Variants in ZNF483 observed in about 807,000 individuals in gnomAD.
The protein encoded by ZNF483 is zinc finger protein 483, also known as zinc finger protein HIT-10.
In ZNF483, 9 loss-of-function variants were observed where a neutral mutation model predicts 28.6. The ratio of observed to expected loss-of-function variants is 0.32; its 90% confidence interval spans 0.19 to 0.55. The LOEUF is 0.55. Among genes scored for constraint, ZNF483 ranks in the 20% least tolerant of loss-of-function variants. The pLI is 0.93. For missense variants in ZNF483, 675 were observed against 871.7 expected, an observed-to-expected ratio of 0.77 and a Z score of 2.84; for synonymous variants, 322 against 306.2, an observed-to-expected ratio of 1.05 and a Z score of -0.54.
rs1828032058 is a variant in ZNF483, at chr9:111,553,472, A to ATAGG, written c.*10305_*10308dup. ...TATCACTGTAACTTGTGCTGTTTGC[A>ATAGG]TAGGTATACTCTATCTTGTGCTATC... On this transcript the variant is annotated 3_prime_UTR_variant, in exon 6 of 6. Coordinates refer to ENST00000309235, the MANE Select transcript of ZNF483 (RefSeq NM_133464.5). Among the ~76,000 whole-genome samples the ATAGG allele has an allele frequency of 6.6e-6, 1 of 152,192 alleles. No homozygotes were observed. Among genetic ancestry groups the ATAGG allele is most frequent in the Non-Finnish European group, 1.5e-5 (1 of 68,028 alleles).
rs150341438 is a variant in ZNF483, at chr9:111,550,316, T to G, written c.*7146T>G. 1.8e-3 allele frequency among the ~76,000 whole-genome samples: 271 copies of G among 152,350 alleles called. No homozygotes were observed. Among genetic ancestry groups the G allele is most frequent in the African/African-American group, 6.3e-3 (261 of 41,574 alleles). Reference sequence around the variant, plus strand: ...GGGGGTTGGGAGAATGGTAGCTTGCTTCTTTGTCTGCTCTTTCTCTGTGAT... The same window carrying G: ...GGGGGTTGGGAGAATGGTAGCTTGCGTCTTTGTCTGCTCTTTCTCTGTGAT... On this transcript the variant is annotated 3_prime_UTR_variant, in exon 6 of 6. Coordinates refer to ENST00000309235, the MANE Select transcript of ZNF483 (RefSeq NM_133464.5).
Position 111,527,384 on chromosome 9 carries a change from C to T in ZNF483, c.-12C>T. 6.2e-7 allele frequency: 1 copy of T among 1,610,282 alleles called. No homozygotes were observed. The highest frequency in any genetic ancestry group is 8.5e-7 in the Non-Finnish European group (1 of 1,178,404). ...GAGTGTGAAGGGACTGGATTCCTGCCCCTGAGACACAATGCAAGCTGTAGT... is the reference window on the plus strand; with the variant it reads ...GAGTGTGAAGGGACTGGATTCCTGCTCCTGAGACACAATGCAAGCTGTAGT... On this transcript the variant is annotated 5_prime_UTR_variant, in exon 2 of 6. Transcript: ENST00000309235.
At chr9:111,569,078 C>G (rs1232703876) in intron 5 of ZNF483, among the ~76,000 whole-genome samples, 3 of 152,100 alleles carry the variant, frequency 2.0e-5, no homozygotes, top group African/African-American at 7.2e-5. Flanking sequence ...CAGGAAAGAT[C>G]AAAATATATT....
At chr9:111,539,121 A>C (rs1306624584) in intron 5 of ZNF483, among the ~76,000 whole-genome samples, 1 of 149,968 alleles carries the variant, frequency 6.7e-6, no homozygotes, top group African/African-American at 2.5e-5. Context: ...TCAAAAAAAA[A>C]AAAAAAAAAA....
At chr9:111,539,395 C>G (rs1827610384) in intron 5 of ZNF483, 3 of 455,598 alleles carry the variant, frequency 6.6e-6, no homozygotes, top group South Asian at 4.7e-5. Context: ...AGCAGTATAA[C>G]CTTTCTACCC....
intron 5 of ZNF483, among the ~76,000 whole-genome samples, chr9:111,566,931 A>T (rs1345833650): frequency 6.6e-6 from 1 of 152,114 alleles, no homozygotes; most frequent in Non-Finnish European, 1.5e-5. Flanking sequence ...TACGAAAAAC[A>T]CAAAAAAACT....
In ZNF483 at chr9:111,543,760, CTTTTCT is replaced by C; in HGVS notation, c.*595_*600del. ...TACCACTATTCAGGATGCTGGACTT[CTTTTCT>C]TTTTTTTTTCTTTTTTTTTTTTCAA... is the stretch of plus-strand genomic sequence containing the variant. On this transcript the variant is annotated 3_prime_UTR_variant, in exon 6 of 6. Coordinates refer to ENST00000309235, the MANE Select transcript of ZNF483 (RefSeq NM_133464.5). 5.7e-6 allele frequency: 5 copies of C among 882,740 alleles called. No individual in the cohort carries two copies. The highest frequency in any genetic ancestry group is 6.7e-6 in the Non-Finnish European group (5 of 747,666). The allele number at this position is 882,740 out of a possible 1,614,324, so 54.7% of individuals were successfully genotyped here.
rs1215518176 is a variant in ZNF483, at chr9:111,542,211, TTAAA to T, written c.1281_1284del (p.Asn427LysfsTer79). 6.2e-7 allele frequency: 1 copy of T among 1,614,070 alleles called. No individual in the cohort carries two copies. Among genetic ancestry groups the T allele is most frequent in the Non-Finnish European group, 8.5e-7 (1 of 1,180,026 alleles). On this transcript the variant is annotated frameshift_variant, in exon 6 of 6. Transcript: ENST00000309235. LOFTEE classifies it low-confidence loss of function (END_TRUNC). The surrounding 1 kb of genome is among the most constrained non-coding windows in gnomAD (Gnocchi z 6.2). Reference sequence around the variant, plus strand: ...GAAAGATTCATGTCAAGAAGCAGCCTTAAATAAAGATGAGGGAAATGAGAGTGGA... The same window carrying T: ...GAAAGATTCATGTCAAGAAGCAGCCTTAAAGATGAGGGAAATGAGAGTGGA...
chr9:111,574,806 T>G, intron 5 of ZNF483: 1 of 1,613,900 alleles, frequency 6.2e-7, no homozygotes, highest in Non-Finnish European at 8.5e-7. Context: ...AATTTCTTCA[T>G]CTGGCCGATA....
rs1389538815 is a variant in ZNF483, at chr9:111,547,407, G to A, written c.*4237G>A. On this transcript the variant is annotated 3_prime_UTR_variant, in exon 6 of 6. Transcript: ENST00000309235. The stretch of plus-strand genomic sequence containing the variant: ...TCCCTAGTGATTAGTGATGTTAACT[G>A]TCTTTTTATGTGCTTATTGACCATT... Among the ~76,000 whole-genome samples, 1 of 152,072 alleles carries A rather than the reference G, an allele frequency of 6.6e-6. No homozygotes were observed. The highest frequency in any genetic ancestry group is 1.5e-5 in the Non-Finnish European group (1 of 67,980).
chr9:111,564,267 A>G (rs7036102), intron 5 of ZNF483: 36,874 of 842,874 alleles, frequency 0.044, 1,200 homozygotes, highest in African/African-American at 0.14. Context: ...GGGAAGCTGA[A>G]ATTTAAACTT....
At position 111,553,502 on chromosome 9, in the gene ZNF483, T is replaced by C. The variant is rs1238610358; in HGVS notation, c.*10332T>C. 6.6e-6 allele frequency among the ~76,000 whole-genome samples: 1 copy of C among 152,204 alleles called. No individual in the cohort carries two copies. The highest frequency in any genetic ancestry group is 1.5e-5 in the Non-Finnish European group (1 of 68,032). On this transcript the variant is annotated 3_prime_UTR_variant, in exon 6 of 6. Transcript: ENST00000309235. Reference sequence around the variant, plus strand: ...TATACTCTATCTTGTGCTATCTGCATAAAATATCCAAGTAAACACATTGTG... The same window carrying C: ...TATACTCTATCTTGTGCTATCTGCACAAAATATCCAAGTAAACACATTGTG...
chr9:111,526,845 A>G (rs1032838257), intron 1 of ZNF483, among the ~76,000 whole-genome samples: 3 of 152,208 alleles, frequency 2.0e-5, no homozygotes, highest in African/African-American at 7.2e-5. Flanking sequence ...CACGCCTGTA[A>G]TCCTGACACT....
chr9:111,542,085 C>A lies in ZNF483; in HGVS notation c.1150C>A (p.His384Asn). 8.1e-6 allele frequency: 13 copies of A among 1,614,074 alleles called. No homozygotes were observed. Among genetic ancestry groups the A allele is most frequent in the Non-Finnish European group, 1.0e-5 (12 of 1,179,984 alleles). ...TGAACATCAGAAACGTCAGAAGATT[C>A]ATTTGGGGGATAGGTCCCAAAAATG... Reference protein sequence around the residue: ...LTEHQKRQKIHLGDRSQKCSK... With the variant: ...LTEHQKRQKINLGDRSQKCSK... The change falls in exon 6 of 6, where the codon CAT becomes AAT. Residue 384 changes from histidine (H) to asparagine (N), a missense_variant. By Grantham distance (68) the His-to-Asn change is moderately conservative. Around this residue, in one of 6 missense-constraint regions of ZNF483, gnomAD observed 525 missense variants for 581.8 expected, o/e 0.90. Coordinates refer to ENST00000309235, the MANE Select transcript of ZNF483 (RefSeq NM_133464.5). The surrounding 1 kb of genome is among the most constrained non-coding windows in gnomAD (Gnocchi z 6.2).
intron 5 of ZNF483, chr9:111,570,152 T>C: frequency 6.2e-7 from 1 of 1,614,136 alleles, no homozygotes; most frequent in Non-Finnish European, 8.5e-7. Context: ...TTGCCAGCGG[T>C]AGACGACAAA....
rs1473974704 is a variant in ZNF483, at chr9:111,545,545, G to A, written c.*2375G>A. 6.6e-6 allele frequency among the ~76,000 whole-genome samples: 1 copy of A among 152,096 alleles called. No homozygotes were observed. Among genetic ancestry groups the A allele is most frequent in the Non-Finnish European group, 1.5e-5 (1 of 68,018 alleles). ...ATTTTTTAGAACATCATCCCAGCAA[G>A]ATCCGTTATTCCAGTTTACAGTTAA... On this transcript the variant is annotated 3_prime_UTR_variant, in exon 6 of 6. Transcript: ENST00000309235.
At chr9:111,564,175 T>A in intron 5 of ZNF483, 1 of 1,001,534 alleles carries the variant, frequency 1.0e-6, no homozygotes, top group Non-Finnish European at 1.2e-6. Context: ...AGTTTTTCGC[T>A]AATGTATTCC....
At chr9:111,527,956 G>A (rs749502214) in intron 2 of ZNF483, 149 bp downstream of exon 2, 100 of 1,534,178 alleles carry the variant, frequency 6.5e-5, no homozygotes, top group Non-Finnish European at 8.2e-5. Context: ...TTTACTGTGT[G>A]ATTTTGGGCA....
rs1167909029 is a variant in ZNF483, at chr9:111,543,766, TTTTTTTTTTC to T, written c.*606_*615del. On this transcript the variant is annotated 3_prime_UTR_variant, in exon 6 of 6. Transcript: ENST00000309235. ...TATTCAGGATGCTGGACTTCTTTTCTTTTTTTTTTCTTTTTTTTTTTTCAATTTTTCTTTT... is the reference window on the plus strand; with the variant it reads ...TATTCAGGATGCTGGACTTCTTTTCTTTTTTTTTTTTTCAATTTTTCTTTT... 1.1e-3 allele frequency: 767 copies of T among 669,770 alleles called. No individual in the cohort carries two copies. The highest frequency in any genetic ancestry group is 0.011 in the East Asian group (26 of 2,456). The allele number at this position is 669,770 out of a possible 1,614,324, so 41.5% of individuals were successfully genotyped here.
Sources: gnomAD v4.1 joint callset for allele counts (sites outside exome capture counted in the v4.1 genomes callset) on GRCh38, gnomAD v4.1.1 for gene constraint, gnomAD v4.1.1 regional missense constraint, Gnocchi (gnomAD v3.1) non-coding constraint, MANE v1.5 for transcripts, NCBI Gene and HGNC (gene_info 2026-07-23, HGNC 2026-07-21) for gene names.